HS6ST2: variants seen among roughly 807,000 people sequenced by gnomAD.
HS6ST2 encodes the protein heparan sulfate 6-O-sulfotransferase 2.
HS6ST2 carries 17 observed loss-of-function variants against 33.0 expected under a neutral mutation model. The observed-to-expected ratio is 0.52, with a 90% CI of 0.35 to 0.77. The LOEUF (loss-of-function observed/expected upper bound fraction) is 0.77. Ranked by LOEUF, HS6ST2 falls within the 30% of genes least tolerant of loss-of-function variation. The pLI is 0.01. For missense variants in HS6ST2, 519 were observed against 551.7 expected, an observed-to-expected ratio of 0.94 and a Z score of 0.59; for synonymous variants, 248 against 237.1, an observed-to-expected ratio of 1.05 and a Z score of -0.42.
chrX:132,875,726 G>A (rs887766887), intron 2 of HS6ST2, among the ~76,000 whole-genome samples: 1 of 112,399 alleles, frequency 8.9e-6, no homozygotes, highest in Non-Finnish European at 1.9e-5. Flanking sequence ...TAACACCTCT[G>A]TGGAAAAACA....
chrX:132,849,435 T>C (rs747389282), intron 2 of HS6ST2, among the ~76,000 whole-genome samples: 1 of 112,182 alleles, frequency 8.9e-6, no homozygotes, highest in Non-Finnish European at 1.9e-5. Context: ...CAGAAGCCTA[T>C]GTTAGATCAC....
At chrX:132,876,889 C>G (rs1348844844) in intron 2 of HS6ST2, among the ~76,000 whole-genome samples, 1 of 112,094 alleles carries the variant, frequency 8.9e-6, no homozygotes, top group Non-Finnish European at 1.9e-5. Context: ...TAGTTTTCTT[C>G]TAAAAAGCCA....
chrX:132,928,513 C>T (rs1243243265), intron 2 of HS6ST2, among the ~76,000 whole-genome samples: 1 of 76,444 alleles, frequency 1.3e-5, no homozygotes, highest in Admixed American at 1.7e-4. Flanking sequence ...CTCCATGATC[C>T]AAATACCTCC....
chrX:132,758,705 A>G (rs2064779774), intron 2 of HS6ST2, among the ~76,000 whole-genome samples: 1 of 111,997 alleles, frequency 8.9e-6, no homozygotes, highest in African/African-American at 3.2e-5. Flanking sequence ...AGGCAGGCCC[A>G]CAGCTCCAAG....
intron 2 of HS6ST2, among the ~76,000 whole-genome samples, chrX:132,716,793 T>A (rs2148259278): frequency 8.9e-6 from 1 of 112,353 alleles, no homozygotes; most frequent in East Asian, 2.8e-4. Flanking sequence ...TGGGAGTTAT[T>A]TTATCCCATT....
intron 2 of HS6ST2, among the ~76,000 whole-genome samples, chrX:132,727,880 C>A (rs1434243089): frequency 8.9e-6 from 1 of 111,824 alleles, no homozygotes; most frequent in Non-Finnish European, 1.9e-5. Flanking sequence ...TAAATGGAAT[C>A]ATACAGTATG....
intron 3 of HS6ST2, among the ~76,000 whole-genome samples, chrX:132,696,063 G>C (rs1000606685): frequency 9.0e-6 from 1 of 111,709 alleles, no homozygotes; most frequent in African/African-American, 3.3e-5. Context: ...AGGTCTGAAT[G>C]CTGGCCTCCA....
In HS6ST2 at chrX:132,630,068, C is replaced by T. The variant is rs190175543; in HGVS notation, c.1068-975G>A. Among the ~76,000 whole-genome samples, 295 of 111,797 alleles carry T rather than the reference C, an allele frequency of 2.6e-3. 1 individual carries two copies. The highest frequency in any genetic ancestry group is 4.0e-3 in the Non-Finnish European group (212 of 53,187). On this transcript the variant is annotated intron_variant, in intron 4 of 4. Coordinates refer to ENST00000370833, the MANE Select transcript of HS6ST2 (RefSeq NM_001394073.1). ...ACACACTCACACCATACATGGTAGGCACACGCCCCAGAAACATCAAGTCCA... is the reference window on the plus strand; with the variant it reads ...ACACACTCACACCATACATGGTAGGTACACGCCCCAGAAACATCAAGTCCA...
At chrX:132,634,739 T>C (rs2063541343) in intron 4 of HS6ST2, among the ~76,000 whole-genome samples, 1 of 111,992 alleles carries the variant, frequency 8.9e-6, no homozygotes, top group Non-Finnish European at 1.9e-5. Flanking sequence ...ATCTAACATC[T>C]TGAGATAGGG....
At chrX:132,644,972 C>T (rs2063629759) in intron 4 of HS6ST2, among the ~76,000 whole-genome samples, 1 of 111,206 alleles carries the variant, frequency 9.0e-6, no homozygotes, top group Admixed American at 9.5e-5. Flanking sequence ...CCCACTGAGG[C>T]CTGAAATCCC....
chrX:132,894,515 GTTAT>G (rs1270590698), intron 2 of HS6ST2, among the ~76,000 whole-genome samples: 7 of 103,284 alleles, frequency 6.8e-5, no homozygotes, highest in Admixed American at 4.2e-4. Context: ...GTTATGTTAT[GTTAT>G]GTTATGTTAT....
chrX:132,854,762 C>A (rs2065836624), intron 2 of HS6ST2, among the ~76,000 whole-genome samples: 2 of 112,114 alleles, frequency 1.8e-5, no homozygotes, highest in Middle Eastern at 4.6e-3. Context: ...AGTAATGTTG[C>A]TTTCTTATGC....
chrX:132,686,193 A>G (rs1602579278), intron 3 of HS6ST2, among the ~76,000 whole-genome samples: 1 of 112,543 alleles, frequency 8.9e-6, no homozygotes, highest in East Asian at 2.8e-4. Flanking sequence ...CAGTGCTTTC[A>G]AAGGTCCATT....
intron 2 of HS6ST2, among the ~76,000 whole-genome samples, chrX:132,908,629 C>T (rs1246193659): frequency 1.8e-5 from 2 of 111,787 alleles, no homozygotes; most frequent in African/African-American, 6.5e-5. Flanking sequence ...CACAAAGGAC[C>T]ACACACTGCA....
chrX:132,905,750 T>C (rs949336738), intron 2 of HS6ST2, among the ~76,000 whole-genome samples: 1 of 112,019 alleles, frequency 8.9e-6, no homozygotes, highest in Non-Finnish European at 1.9e-5. Flanking sequence ...CCCATCTCTA[T>C]ATTAAAAAAA....
At chrX:132,834,415 T>C (rs2065622090) in intron 2 of HS6ST2, among the ~76,000 whole-genome samples, 2 of 111,734 alleles carry the variant, frequency 1.8e-5, no homozygotes, top group South Asian at 7.6e-4. Flanking sequence ...AAAGAGCTTA[T>C]TGTTATTCCG....
At chrX:132,699,215 T>C (rs905384954) in intron 3 of HS6ST2, among the ~76,000 whole-genome samples, 5 of 111,821 alleles carry the variant, frequency 4.5e-5, no homozygotes, top group African/African-American at 6.5e-5. Flanking sequence ...GACAGAAAGC[T>C]AGGGGCCTCT....
chrX:132,800,685 G>C (rs1364271751), intron 2 of HS6ST2, among the ~76,000 whole-genome samples: 1 of 111,125 alleles, frequency 9.0e-6, no homozygotes, highest in Non-Finnish European at 1.9e-5. Flanking sequence ...CTGCAATTGT[G>C]AGCTCCAGAG....
At chrX:132,629,927 G>T (rs772333442) in intron 4 of HS6ST2, among the ~76,000 whole-genome samples, 1 of 112,380 alleles carries the variant, frequency 8.9e-6, no homozygotes, top group Non-Finnish European at 1.9e-5. Context: ...CTACTAAAAG[G>T]GCACGTGGAT....
Sources: gnomAD v4.1 joint callset for allele counts (sites outside exome capture counted in the v4.1 genomes callset) on GRCh38, gnomAD v4.1.1 for gene constraint, MANE v1.5 for transcripts, NCBI Gene and HGNC (gene_info 2026-07-23, HGNC 2026-07-21) for gene names.